The following MAF variants were observed in gnomAD, a reference collection of about 807,000 sequenced individuals.
The protein encoded by MAF is MAF bZIP transcription factor.
A neutral mutation model predicts 22.0 loss-of-function variants in MAF; 10 were observed. The observed-to-expected ratio is 0.45, with a 90% CI of 0.28 to 0.77. The LOEUF is 0.77. MAF is among the 30% of genes least tolerant of loss of function. The pLI is 0.12. For synonymous variants in MAF, 337 were observed against 255.8 expected, an observed-to-expected ratio of 1.32 and a Z score of -3.03; for missense variants, 544 against 548.4, an observed-to-expected ratio of 0.99 and a Z score of 0.08.
the MAF span, among the ~76,000 whole-genome samples, chr16:79,404,116 T>C: frequency 5.3e-5 from 8 of 151,956 alleles, no homozygotes; most frequent in African/African-American, 1.9e-4. Flanking sequence ...CCAGTGAAGA[T>C]GTCCGATTTG....
At chr16:79,511,575 G>A in the MAF span, among the ~76,000 whole-genome samples, 9 of 152,164 alleles carry the variant, frequency 5.9e-5, no homozygotes, top group African/African-American at 2.4e-5. Context: ...AGATGTGTGC[G>A]GTGTTACATG....
the MAF span, among the ~76,000 whole-genome samples, chr16:79,484,949 C>G: frequency 3.9e-5 from 6 of 152,236 alleles, no homozygotes; most frequent in Non-Finnish European, 5.9e-5. Flanking sequence ...GCACCTTGGA[C>G]CTGCCATTAG....
chr16:79,350,928 C>G, the MAF span, among the ~76,000 whole-genome samples: 1 of 151,092 alleles, frequency 6.6e-6, no homozygotes, highest in Admixed American at 6.6e-5. Context: ...GTCTCTTAGA[C>G]TTACTATGTG....
the MAF span, among the ~76,000 whole-genome samples, chr16:79,488,603 G>A: frequency 6.6e-6 from 1 of 152,158 alleles, no homozygotes; most frequent in Non-Finnish European, 1.5e-5. Context: ...TAGGCTGCTA[G>A]AATTATTTTA....
At chr16:79,338,796 A>G in the MAF span, among the ~76,000 whole-genome samples, 23 of 152,290 alleles carry the variant, frequency 1.5e-4, no homozygotes, top group East Asian at 4.5e-3. Context: ...TCCGAGCCTC[A>G]GTTTTCTTGT....
the MAF span, among the ~76,000 whole-genome samples, chr16:79,289,789 A>G: frequency 2.6e-5 from 4 of 151,738 alleles, no homozygotes; most frequent in East Asian, 1.9e-4. Flanking sequence ...TCAGAGTCCA[A>G]AGTTTGTTCT....
the MAF span, among the ~76,000 whole-genome samples, chr16:79,247,880 T>C: frequency 6.6e-6 from 1 of 152,218 alleles, no homozygotes; most frequent in East Asian, 1.9e-4. Context: ...AAAATAGCCA[T>C]TGCCTGTAAA....
the MAF span, among the ~76,000 whole-genome samples, chr16:79,382,621 T>A: frequency 6.6e-6 from 1 of 152,198 alleles, no homozygotes; most frequent in African/African-American, 2.4e-5. Flanking sequence ...AAAGTGGTAA[T>A]ATTGTTTTTT....
At chr16:79,268,413 G>C in the MAF span, among the ~76,000 whole-genome samples, 1 of 152,126 alleles carries the variant, frequency 6.6e-6, no homozygotes, top group East Asian at 1.9e-4. Context: ...TCTGTCAAAT[G>C]GTCATAGTAA....
chr16:79,497,409 T>C, the MAF span, among the ~76,000 whole-genome samples: 3 of 152,184 alleles, frequency 2.0e-5, no homozygotes, highest in Non-Finnish European at 2.9e-5. Context: ...CTGCCCCTGT[T>C]AGCTGTGAGT....
the MAF span, among the ~76,000 whole-genome samples, chr16:79,380,631 C>T: frequency 2.0e-5 from 3 of 152,144 alleles, no homozygotes; most frequent in Admixed American, 6.5e-5. Context: ...GTGCCTGGAA[C>T]TGAATAAATA....
the MAF span, among the ~76,000 whole-genome samples, chr16:79,326,004 C>A: frequency 6.6e-6 from 1 of 152,204 alleles, no homozygotes; most frequent in Non-Finnish European, 1.5e-5. Context: ...CAAGATCTTG[C>A]TTCTGACAAC....
chr16:79,531,081 A>G, the MAF span, among the ~76,000 whole-genome samples: 838 of 152,340 alleles, frequency 5.5e-3, 9 homozygotes, highest in African/African-American at 0.019. Context: ...TGAAAGGTCA[A>G]TGGTGTTAAA....
chr16:79,228,295 G>C, the MAF span, among the ~76,000 whole-genome samples: 1 of 152,064 alleles, frequency 6.6e-6, no homozygotes, highest in Admixed American at 6.6e-5. Context: ...TACAAGGAAA[G>C]CGTGAATACC....
chr16:79,469,077 G>T, the MAF span, among the ~76,000 whole-genome samples: 2 of 152,080 alleles, frequency 1.3e-5, no homozygotes. Context: ...TGTCCCAAGT[G>T]CCCAAGGGCC....
At chr16:79,437,140 C>CTGTGTGTG in the MAF span, among the ~76,000 whole-genome samples, 2 of 26,002 alleles carry the variant, frequency 7.7e-5, no homozygotes, top group African/African-American at 1.7e-4. Context: ...AAAGCTCTCT[C>CTGTGTGTG]TCTCTCTGTG....
At chr16:79,271,780 C>G in the MAF span, among the ~76,000 whole-genome samples, 8 of 152,212 alleles carry the variant, frequency 5.3e-5, no homozygotes, top group African/African-American at 1.9e-4. Context: ...CTTGCTTAGT[C>G]AGCATTTTCT....
At chr16:79,331,031 G>C in the MAF span, among the ~76,000 whole-genome samples, 3 of 152,330 alleles carry the variant, frequency 2.0e-5, no homozygotes, top group East Asian at 5.8e-4. Context: ...ATGAACCTCT[G>C]GGCTCAGATG....
chr16:79,305,337 G>C, the MAF span, among the ~76,000 whole-genome samples: 1 of 152,208 alleles, frequency 6.6e-6, no homozygotes, highest in African/African-American at 2.4e-5. Flanking sequence ...GGGGCACCAG[G>C]ACTGCAGAGG....
Sources: allele counts gnomAD v4.1 joint callset (sites outside exome capture counted in the v4.1 genomes callset), GRCh38; gene constraint gnomAD v4.1.1; transcripts MANE v1.5; gene names NCBI Gene and HGNC (gene_info 2026-07-23, HGNC 2026-07-21).